The following NCOA2 variants were observed in gnomAD, a reference collection of about 807,000 sequenced individuals.
The protein encoded by NCOA2 is class E basic helix-loop-helix protein 75.
Under a neutral mutation model 145.1 loss-of-function variants are expected in NCOA2, and 21 were observed. The ratio of observed to expected loss-of-function variants is 0.14; its 90% CI spans 0.10 to 0.21. The LOEUF (loss-of-function observed/expected upper bound fraction) is 0.21. Among genes scored for constraint, NCOA2 ranks in the 10% least tolerant of loss-of-function variants. The probability of loss-of-function intolerance (pLI) is 1.00; values close to 1 mark genes in which losing one functional copy is unlikely to be tolerated. For synonymous variants in NCOA2, 619 were observed against 637.5 expected (o/e 0.97, Z 0.44); for missense variants, 1,472 against 1,837.6 (o/e 0.80, Z 3.64).
chr8:70,265,590 AT>A (rs911519905), intron 2 of NCOA2, among the ~76,000 whole-genome samples: 4 of 152,334 alleles, frequency 2.6e-5, no homozygotes, highest in African/African-American at 9.6e-5. Flanking sequence ...ATATAATTCT[AT>A]TTTTTAAAAA....
At chr8:70,362,523 A>T (rs181336515) in intron 1 of NCOA2, among the ~76,000 whole-genome samples, 10 of 152,206 alleles carry the variant, frequency 6.6e-5, no homozygotes, top group Non-Finnish European at 1.3e-4. Flanking sequence ...CCAAAAAAAG[A>T]TATACAGATG....
At chr8:70,407,070 A>G (rs1314845202), upstream of NCOA2, among the ~76,000 whole-genome samples, 1 of 152,212 alleles carries the variant, frequency 6.6e-6, no homozygotes, top group African/African-American at 2.4e-5. Context: ...GAATATTATT[A>G]TGTCAGCTAA....
At chr8:70,440,704 GA>G in the NCOA2 span, among the ~76,000 whole-genome samples, 1 of 137,814 alleles carries the variant, frequency 7.3e-6, no homozygotes, top group African/African-American at 2.7e-5. Flanking sequence ...AGGAAAGAAA[GA>G]AAAGAAGAAA....
rs141848036 is a variant in NCOA2 at position 70,179,283 on chromosome 8, T to C, written c.260-4424A>G. ...AATAATATGAAGTGATAGAAAACAC[T>C]CAGAAATATGGCTTTACCAATGTAA... On this transcript the variant is annotated intron_variant, in intron 4 of 22. Coordinates refer to ENST00000452400, the MANE Select transcript of NCOA2 (RefSeq NM_006540.4). Among the ~76,000 whole-genome samples, 8 of 152,286 alleles carry C rather than the reference T, an allele frequency of 5.3e-5. No individual in the cohort carries two copies. In the East Asian group the frequency reaches 1.3e-3, roughly 26 times the overall value.
At chr8:70,439,636 T>C in the NCOA2 span, among the ~76,000 whole-genome samples, 4 of 150,862 alleles carry the variant, frequency 2.7e-5, no homozygotes, top group South Asian at 2.1e-4. Context: ...AAGGTGAACA[T>C]AGTACTGTAA....
At chr8:70,384,230 C>T (rs1284253293) in intron 1 of NCOA2, among the ~76,000 whole-genome samples, 2 of 151,478 alleles carry the variant, frequency 1.3e-5, no homozygotes, top group African/African-American at 4.8e-5. Flanking sequence ...GGTTTTGAAG[C>T]ATCTACTTAC....
At chr8:70,406,946 TCAAA>T (rs1307596406), upstream of NCOA2, among the ~76,000 whole-genome samples, 3 of 152,230 alleles carry the variant, frequency 2.0e-5, no homozygotes, top group Admixed American at 1.3e-4. Context: ...CTGTGTGACC[TCAAA>T]CAAGTCACTA....
chr8:70,326,254 CATAA>C (rs1368017063), intron 1 of NCOA2, among the ~76,000 whole-genome samples: 19 of 152,216 alleles, frequency 1.2e-4, no homozygotes, highest in East Asian at 5.8e-4. Context: ...GTCACCATCA[CATAA>C]ATAAGTCCGT....
chr8:70,179,851 C>T (rs982479052), intron 4 of NCOA2, among the ~76,000 whole-genome samples: 11 of 152,202 alleles, frequency 7.2e-5, no homozygotes, highest in African/African-American at 2.4e-4. Context: ...ATCAAATTTT[C>T]AGAGACTACT....
chr8:70,326,429 TCACACACA>T (rs56218328), intron 1 of NCOA2, among the ~76,000 whole-genome samples: 2 of 149,140 alleles, frequency 1.3e-5, no homozygotes, highest in Non-Finnish European at 3.0e-5. Flanking sequence ...TTTCTCTCTC[TCACACACA>T]CACACACACA....
chr8:70,274,420 T>G (rs1484066784), intron 2 of NCOA2, among the ~76,000 whole-genome samples: 1 of 152,198 alleles, frequency 6.6e-6, no homozygotes, highest in Non-Finnish European at 1.5e-5. Context: ...GAACCTACCA[T>G]GTGCTCAATC....
At chr8:70,369,913 AT>A (rs1045671854) in intron 1 of NCOA2, among the ~76,000 whole-genome samples, 2 of 150,052 alleles carry the variant, frequency 1.3e-5, no homozygotes, top group African/African-American at 4.9e-5. Context: ...TGAGTATTTT[AT>A]TTTTTGAGAC....
rs954553083 is a variant in NCOA2 at position 70,246,173 on chromosome 8, G to GT, written c.-19-29410dup. On this transcript the variant is annotated intron_variant, in intron 2 of 22. Transcript: ENST00000452400. ...ACCTGACACACAGAGGCTGCTCCAT[G>GT]TTTTTTTTAAATGTCCTTAGTAACA... is the stretch of plus-strand genomic sequence containing the variant. Among the ~76,000 whole-genome samples, 4 of 151,806 alleles carry GT rather than the reference G, an allele frequency of 2.6e-5. No homozygotes were observed. In the East Asian group the frequency reaches 5.8e-4, roughly 22 times the overall value.
chr8:70,296,158 C>G (rs1368827974), intron 2 of NCOA2, among the ~76,000 whole-genome samples: 1 of 152,080 alleles, frequency 6.6e-6, no homozygotes, highest in South Asian at 2.1e-4. Flanking sequence ...ATGAAGCTAG[C>G]AGGGAAAGTT....
Position 70,397,388 on chromosome 8 carries a change from G to A in NCOA2, c.-77+6312C>T, listed in dbSNP as rs188921081. Among the ~76,000 whole-genome samples the A allele has an allele frequency of 4.0e-3, 610 of 151,518 alleles. 2 individuals are homozygous for A. Among genetic ancestry groups the A allele is most frequent in the Non-Finnish European group, 6.8e-3 (461 of 67,936 alleles). On this transcript the variant is annotated intron_variant, in intron 1 of 22. Coordinates refer to ENST00000452400, the MANE Select transcript of NCOA2 (RefSeq NM_006540.4). The stretch of plus-strand genomic sequence containing the variant: ...GAATCGCTTGAACCCGGGAGGCAGA[G>A]GTTGCAGTGAGCTGAGATCACACCA...
At chr8:70,425,262 T>C in the NCOA2 span, among the ~76,000 whole-genome samples, 2 of 152,216 alleles carry the variant, frequency 1.3e-5, no homozygotes, top group African/African-American at 4.8e-5. Context: ...GTACCTGCAG[T>C]GCTCCCCTTT....
intron 4 of NCOA2, among the ~76,000 whole-genome samples, chr8:70,196,763 A>G (rs1817357996): frequency 6.6e-6 from 1 of 152,208 alleles, no homozygotes; most frequent in Non-Finnish European, 1.5e-5. Flanking sequence ...GTGGAACAAC[A>G]TTTTCTGTCT....
At chr8:70,216,872 G>T in intron 2 of NCOA2, 108 bp from the exon 3 acceptor site, 1 of 650,862 alleles carries the variant, frequency 1.5e-6, no homozygotes. Context: ...TCAGAAATTT[G>T]AGACCAGTAA....
At chr8:70,123,824 CAGA>C in intron 21 of NCOA2, 57 bp downstream of exon 21, 1 of 1,400,092 alleles carries the variant, frequency 7.1e-7, no homozygotes, top group Non-Finnish European at 9.7e-7. Flanking sequence ...ATATTTGATG[CAGA>C]AGTAGAAAAA....
Sources: gnomAD v4.1 joint callset for allele counts (sites outside exome capture counted in the v4.1 genomes callset) on GRCh38, gnomAD v4.1.1 for gene constraint, MANE v1.5 for transcripts, NCBI Gene and HGNC (gene_info 2026-07-23, HGNC 2026-07-21) for gene names.